Variants in TXNRD1 observed in about 807,000 individuals in gnomAD.
TXNRD1 encodes the protein thioredoxin reductase 1, cytoplasmic.
A neutral mutation model predicts 80.3 loss-of-function variants in TXNRD1; 57 were observed. The observed-to-expected ratio is 0.71, with a 90% CI of 0.57 to 0.89. TXNRD1 has a LOEUF of 0.89. Ranked by LOEUF, TXNRD1 falls within the 40% of genes least tolerant of loss-of-function variation. The pLI, the probability that TXNRD1 is intolerant of heterozygous loss-of-function variation, is 0.00. For missense variants in TXNRD1, 730 were observed against 803.0 expected, an observed-to-expected ratio of 0.91 and a Z score of 1.10; for synonymous variants, 291 against 285.2, an observed-to-expected ratio of 1.02 and a Z score of -0.20.
intron 13 of TXNRD1, among the ~76,000 whole-genome samples, chr12:104,328,987 T>C (rs1169898141): frequency 6.6e-6 from 1 of 152,132 alleles, no homozygotes; most frequent in African/African-American, 2.4e-5. Context: ...TTTCCTTACA[T>C]TGGTTTCAGT....
At chr12:104,222,852 A>G (rs2032384844) in intron 1 of TXNRD1, among the ~76,000 whole-genome samples, 1 of 152,236 alleles carries the variant, frequency 6.6e-6, no homozygotes, top group African/African-American at 2.4e-5. Context: ...CTCTGTCTCA[A>G]AAAACAAACA....
intron 4 of TXNRD1, among the ~76,000 whole-genome samples, chr12:104,292,578 A>G (rs952575284): frequency 1.8e-4 from 27 of 151,676 alleles, no homozygotes; most frequent in African/African-American, 6.3e-4. Context: ...TTTTTTTAGT[A>G]GAGATGTGGT....
At chr12:104,223,349 A>G (rs149062203) in intron 1 of TXNRD1, among the ~76,000 whole-genome samples, 1 of 152,330 alleles carries the variant, frequency 6.6e-6, no homozygotes, top group East Asian at 1.9e-4. Context: ...TTTGTTTAGA[A>G]GTGGGCACAA....
chr12:104,316,146 G>T (rs2035317892), intron 7 of TXNRD1, among the ~76,000 whole-genome samples: 1 of 152,040 alleles, frequency 6.6e-6, no homozygotes, highest in African/African-American at 2.4e-5. Context: ...TGAATATATT[G>T]TCATGTAGTA....
chr12:104,265,706 C>A lies in TXNRD1; in HGVS notation c.304+7627C>A, dbSNP rs2033469285. ...CAGATCATGAAGGTGGAGGAGATCG[C>A]GGCCAGCAAGTGCCGCCGGCCGGCT... is the stretch of plus-strand genomic sequence containing the variant. On this transcript the variant is annotated intron_variant, in intron 3 of 16. Coordinates refer to ENST00000525566, the MANE Select transcript of TXNRD1 (RefSeq NM_001093771.3). 9 of 1,602,622 alleles carry A rather than the reference C, an allele frequency of 5.6e-6. No individual in the cohort carries two copies. In the South Asian group the frequency reaches 9.9e-5, roughly 18 times the overall value.
At chr12:104,220,539 C>T (rs1342073272) in intron 1 of TXNRD1, among the ~76,000 whole-genome samples, 2 of 152,060 alleles carry the variant, frequency 1.3e-5, no homozygotes, top group African/African-American at 4.8e-5. Flanking sequence ...GTCTGGCCAA[C>T]ATGGTGAAAC....
intron 9 of TXNRD1, among the ~76,000 whole-genome samples, chr12:104,320,255 A>G (rs2035480964): frequency 6.6e-6 from 1 of 152,226 alleles, no homozygotes; most frequent in African/African-American, 2.4e-5. Context: ...CTTTTTGCTC[A>G]GGAGTTTCTG....
chr12:104,226,164 C>T (rs1308642114), intron 1 of TXNRD1, among the ~76,000 whole-genome samples: 3 of 151,894 alleles, frequency 2.0e-5, no homozygotes, highest in Non-Finnish European at 4.4e-5. Context: ...GGCACCATTG[C>T]ACTCAAGCCT....
At chr12:104,220,745 G>T (rs1209028898) in intron 1 of TXNRD1, among the ~76,000 whole-genome samples, 3 of 149,568 alleles carry the variant, frequency 2.0e-5, no homozygotes, top group East Asian at 2.0e-4. Context: ...AAAAACGGTG[G>T]GGGGGAGGCG....
Position 104,287,479 on chromosome 12 carries a change from A to G in TXNRD1, c.305-1452A>G, listed in dbSNP as rs768148011. The G allele has an allele frequency of 2.3e-4, 370 of 1,608,868 alleles. 1 individual carries two copies. The highest frequency in any genetic ancestry group is 4.7e-4 in the Admixed American group (28 of 59,970). On this transcript the variant is annotated intron_variant, in intron 3 of 16. Coordinates refer to ENST00000525566, the MANE Select transcript of TXNRD1 (RefSeq NM_001093771.3). ...GTCCGAGTCTTGAAATGTAGATGAC[A>G]ATGTGTTGAGTGGACTGACAGATCC...
At chr12:104,255,806 C>T (rs2135708823) in intron 2 of TXNRD1, among the ~76,000 whole-genome samples, 1 of 152,262 alleles carries the variant, frequency 6.6e-6, no homozygotes, top group East Asian at 1.9e-4. Flanking sequence ...ACAACAACAA[C>T]ATATAGTCAT....
rs1593671638 is a variant in TXNRD1 at position 104,216,484 on chromosome 12, G to C, written c.91+591G>C. On this transcript the variant is annotated intron_variant, in intron 1 of 16. Coordinates refer to ENST00000525566, the MANE Select transcript of TXNRD1 (RefSeq NM_001093771.3). ...TTCACTTGTTCTTCCAGAAGAGAAA[G>C]CTCCCAGTCTCTTCTCCATTGTCCG... 2.0e-5 allele frequency among the ~76,000 whole-genome samples: 3 copies of C among 152,308 alleles called. No individual in the cohort carries two copies. The East Asian group carries it at 5.8e-4, about 29-fold the overall frequency.
At chr12:104,272,545 A>G (rs372961844) in intron 3 of TXNRD1, among the ~76,000 whole-genome samples, 1 of 152,226 alleles carries the variant, frequency 6.6e-6, no homozygotes, top group African/African-American at 2.4e-5. Flanking sequence ...CTGCAATCCC[A>G]GTACTTTGGG....
At chr12:104,246,529 T>G (rs1469396947) in intron 1 of TXNRD1, among the ~76,000 whole-genome samples, 1 of 38,716 alleles carries the variant, frequency 2.6e-5, no homozygotes, top group African/African-American at 4.3e-4. Context: ...TGTGATGGTT[T>G]TTTTTTTTTT....
At chr12:104,252,084 GA>G (rs1354880014) in intron 2 of TXNRD1, among the ~76,000 whole-genome samples, 6 of 147,984 alleles carry the variant, frequency 4.1e-5, no homozygotes, top group African/African-American at 1.5e-4. Flanking sequence ...AAAAAAAAAG[GA>G]AAAGTATATG....
chr12:104,304,374 C>T (rs1250111992), intron 4 of TXNRD1: 16 of 1,613,900 alleles, frequency 9.9e-6, no homozygotes, highest in African/African-American at 1.3e-5. Flanking sequence ...GATAGCATAG[C>T]TCTTTCCTTC....
Position 104,265,826 on chromosome 12 carries a change from A to T in TXNRD1, c.304+7747A>T. ...CCACGCTTCACCACCAAGAGGCCCA[A>T]CACCTTCTTCTAGGTGCAGGGCCCT... On this transcript the variant is annotated intron_variant, in intron 3 of 16. Transcript: ENST00000525566. 4 of 1,465,782 alleles carry T rather than the reference A, an allele frequency of 2.7e-6. No individual in the cohort carries two copies. In the South Asian group the frequency reaches 3.5e-5, roughly 13 times the overall value. 90.8% of individuals were successfully genotyped at this position (1,465,782 alleles called of 1,614,324 possible). A position where few individuals can be genotyped will look rare whatever the true frequency, so the allele number is the denominator to read the frequency against.
At chr12:104,264,978 G>T (rs2033442964) in intron 3 of TXNRD1, among the ~76,000 whole-genome samples, 1 of 152,152 alleles carries the variant, frequency 6.6e-6, no homozygotes, top group African/African-American at 2.4e-5. Context: ...TTTGGGCCAG[G>T]TGCAGTGGCT....
chr12:104,275,899 A>C (rs1355369235), intron 3 of TXNRD1, among the ~76,000 whole-genome samples: 1 of 152,216 alleles, frequency 6.6e-6, no homozygotes, highest in Non-Finnish European at 1.5e-5. Context: ...CGTTTTCCAC[A>C]ATCACCACAT....
Sources: gnomAD v4.1 joint callset for allele counts (sites outside exome capture counted in the v4.1 genomes callset) on GRCh38, gnomAD v4.1.1 for gene constraint, MANE v1.5 for transcripts, NCBI Gene and HGNC (gene_info 2026-07-23, HGNC 2026-07-21) for gene names.